The following ALDH6A1 variants were observed in gnomAD, a reference collection of about 807,000 sequenced individuals.
The protein encoded by ALDH6A1 is aldehyde dehydrogenase 6 family member A1, also known as methylmalonate-semialdehyde/malonate-semialdehyde dehydrogenase [acylating], mitochondrial.
A neutral mutation model predicts 62.6 loss-of-function variants in ALDH6A1; 43 were observed. That is an observed-to-expected ratio of 0.69 (90% CI 0.54 to 0.89). The LOEUF (loss-of-function observed/expected upper bound fraction) is 0.89. Among genes scored for constraint, ALDH6A1 ranks in the 40% least tolerant of loss-of-function variants. The pLI is 0.00. For missense variants in ALDH6A1, 551 were observed against 661.3 expected (o/e 0.83, Z 1.83); for synonymous variants, 194 against 234.2 (o/e 0.83, Z 1.57).
chr14:74,083,739 C>A (rs1381765272), intron 1 of ALDH6A1, among the ~76,000 whole-genome samples: 1 of 152,148 alleles, frequency 6.6e-6, no homozygotes, highest in Non-Finnish European at 1.5e-5. Context: ...GACAGCCAGT[C>A]CATGGAAAAT....
Position 74,057,648 on chromosome 14 carries a change from T to A in ALDH6A1, c.*2994A>T. On this transcript the variant is annotated 3_prime_UTR_variant, in exon 12 of 12. Coordinates refer to ENST00000553458, the MANE Select transcript of ALDH6A1 (RefSeq NM_005589.4). ...GGCTTATAAGGAGATATGAAATGAT[T>A]TTTTTAAGCCAAGTTTTTCTCTTTA... The A allele has an allele frequency of 7.5e-7, 1 of 1,330,198 alleles. No homozygotes were observed. Among genetic ancestry groups the A allele is most frequent in the Middle Eastern group, 2.1e-4 (1 of 4,654 alleles). 82.4% of individuals were successfully genotyped at this position (1,330,198 alleles called of 1,614,324 possible). A position where few individuals can be genotyped will look rare whatever the true frequency, so the allele number is the denominator to read the frequency against.
chr14:74,065,381 A>G (rs1350359519), intron 9 of ALDH6A1, 21 bp from the exon 10 acceptor site: 1 of 1,612,502 alleles, frequency 6.2e-7, no homozygotes, highest in Non-Finnish European at 8.5e-7. Flanking sequence ...TGATGCATCC[A>G]GAAAAGAAGT....
intron 1 of ALDH6A1, among the ~76,000 whole-genome samples, chr14:74,078,529 T>C (rs747652454): frequency 1.3e-5 from 2 of 151,682 alleles, no homozygotes; most frequent in African/African-American, 2.4e-5. Context: ...AATTTGCTTT[T>C]ATTATTTTAT....
At chr14:74,074,714 C>T (rs2060593530) in intron 2 of ALDH6A1, among the ~76,000 whole-genome samples, 1 of 152,100 alleles carries the variant, frequency 6.6e-6, no homozygotes, top group Non-Finnish European at 1.5e-5. Context: ...GTAAAAACCA[C>T]TCTAAAGGTC....
intron 11 of ALDH6A1, among the ~76,000 whole-genome samples, chr14:74,061,879 A>T (rs2060348895): frequency 6.6e-6 from 1 of 151,936 alleles, no homozygotes; most frequent in Admixed American, 6.6e-5. Flanking sequence ...CTAGAATGAC[A>T]TTTTACCAGA....
chr14:74,070,959 C>T, intron 6 of ALDH6A1: 1 of 552,562 alleles, frequency 1.8e-6, no homozygotes, highest in Non-Finnish European at 3.2e-6. Flanking sequence ...TGTGTCTAGC[C>T]CTAATCCATA....
At chr14:74,064,572 T>C in intron 11 of ALDH6A1, 1 of 900,746 alleles carries the variant, frequency 1.1e-6, no homozygotes. Context: ...ACTCAGGAAA[T>C]GGCATATACA....
intron 6 of ALDH6A1, 118 bp from the exon 7 acceptor site, chr14:74,069,099 TTC>T: frequency 3.8e-5 from 38 of 1,002,478 alleles, no homozygotes; most frequent in South Asian, 4.7e-5. Flanking sequence ...CTTTTACTTT[TTC>T]TTTTTTTTTT....
At chr14:74,080,657 G>T (rs1463171578) in intron 1 of ALDH6A1, among the ~76,000 whole-genome samples, 1 of 152,018 alleles carries the variant, frequency 6.6e-6, no homozygotes. Context: ...TGCCAGGGCT[G>T]GTTTTGAACT....
intron 11 of ALDH6A1, among the ~76,000 whole-genome samples, chr14:74,061,077 A>ATGTG (rs1421186005): frequency 2.0e-4 from 31 of 151,430 alleles, no homozygotes; most frequent in East Asian, 1.2e-3. Flanking sequence ...TCCCGGGTTC[A>ATGTG]AGCAGCTCTC....
chr14:74,074,041 G>C (rs2060583397), intron 2 of ALDH6A1, among the ~76,000 whole-genome samples: 1 of 149,388 alleles, frequency 6.7e-6, no homozygotes. Flanking sequence ...TTGGAGTGCA[G>C]TGGCACAATC....
chr14:74,066,245 G>A (rs2060462464), intron 9 of ALDH6A1, among the ~76,000 whole-genome samples: 2 of 152,074 alleles, frequency 1.3e-5, no homozygotes. Context: ...ATAGCCTGTG[G>A]GCCAAATGTG....
Position 74,060,667 on chromosome 14 carries a change from A to G in ALDH6A1, c.1583T>C (p.Val528Ala), listed in dbSNP as rs1191227047. 15 of 1,613,290 alleles carry G rather than the reference A, an allele frequency of 9.3e-6. No individual in the cohort carries two copies. Among genetic ancestry groups the G allele is most frequent in the Non-Finnish European group, 1.3e-5 (15 of 1,179,210 alleles). ...EEDATLSSPAVVMPTMGR is the reference protein window; with the variant it reads ...EEDATLSSPAAVMPTMGR Reference sequence around the variant, plus strand: ...CTAACGGCCCATGGTAGGCATGACAACAGCAGGTGAGGAAAGAGTAGCATC... The same window carrying G: ...CTAACGGCCCATGGTAGGCATGACAGCAGCAGGTGAGGAAAGAGTAGCATC... Residue 528 changes from valine to alanine, a missense_variant, in exon 12 of 12, where the codon GTT (valine) becomes GCT (alanine). Physicochemically the swap from Val to Ala is moderately conservative, Grantham distance 64. Coordinates refer to ENST00000553458, the MANE Select transcript of ALDH6A1 (RefSeq NM_005589.4).
At position 74,072,384 on chromosome 14, in the gene ALDH6A1, C is replaced by G; in HGVS notation, c.187-20G>C. On this transcript the variant is annotated intron_variant, in intron 3 of 11. Coordinates refer to ENST00000553458, the MANE Select transcript of ALDH6A1 (RefSeq NM_005589.4). ...GGTGGCCTGATGAGAAAAATAAGCA[C>G]ATGATCCTTTGCCTGACTCACCTTC... The G allele has an allele frequency of 6.2e-7, 1 of 1,614,122 alleles. No individual in the cohort carries two copies. The highest frequency in any genetic ancestry group is 8.5e-7 in the Non-Finnish European group (1 of 1,180,022).
intron 1 of ALDH6A1, among the ~76,000 whole-genome samples, chr14:74,076,443 C>A (rs769809747): frequency 6.6e-6 from 1 of 152,152 alleles, no homozygotes; most frequent in Non-Finnish European, 1.5e-5. Flanking sequence ...CTCACTGCAA[C>A]CTCTGCCTCC....
At chr14:74,070,419 A>T (rs1429871526) in intron 6 of ALDH6A1, among the ~76,000 whole-genome samples, 1 of 152,102 alleles carries the variant, frequency 6.6e-6, no homozygotes, top group Admixed American at 6.5e-5. Context: ...TTTAAGAGGC[A>T]GAGGCAGGAA....
At chr14:74,076,217 C>T (rs2060611122) in intron 1 of ALDH6A1, among the ~76,000 whole-genome samples, 1 of 152,004 alleles carries the variant, frequency 6.6e-6, no homozygotes, top group South Asian at 2.1e-4. Flanking sequence ...TTTAATAAAG[C>T]TATATTGAAA....
chr14:74,080,727 G>A lies in ALDH6A1; in HGVS notation c.48+3620C>T, dbSNP rs543935756. On this transcript the variant is annotated intron_variant, in intron 1 of 11. Transcript: ENST00000553458. ...CAAAGTGTTGGGATTACAGGCATGAGCCATCACACCCAGCCTACTCTTAAA... is the reference window on the plus strand; with the variant it reads ...CAAAGTGTTGGGATTACAGGCATGAACCATCACACCCAGCCTACTCTTAAA... Among the ~76,000 whole-genome samples the A allele has an allele frequency of 4.6e-5, 7 of 152,276 alleles. No homozygotes were observed. In the South Asian group the frequency reaches 1.2e-3, roughly 27 times the overall value.
rs10200 is a variant in ALDH6A1, at chr14:74,058,708, A to G, written c.*1934T>C. 36,629 of 151,910 alleles carry G rather than the reference A, an allele frequency of 0.24. 5,000 individuals carry two copies. The highest frequency in any genetic ancestry group is 0.46 in the South Asian group (2,205 of 4,808). 9.4% of individuals were successfully genotyped at this position (151,910 alleles called of 1,614,324 possible). On this transcript the variant is annotated 3_prime_UTR_variant, in exon 12 of 12. Coordinates refer to ENST00000553458, the MANE Select transcript of ALDH6A1 (RefSeq NM_005589.4). Reference sequence around the variant, plus strand: ...GAAAATAAAAAGAGGATTCAATTGGATTGGTACTGCAAAAAGAATCCATTC... The same window carrying G: ...GAAAATAAAAAGAGGATTCAATTGGGTTGGTACTGCAAAAAGAATCCATTC...
Sources: gnomAD v4.1 joint callset for allele counts (sites outside exome capture counted in the v4.1 genomes callset) on GRCh38, gnomAD v4.1.1 for gene constraint, MANE v1.5 for transcripts, NCBI Gene and HGNC (gene_info 2026-07-23, HGNC 2026-07-21) for gene names.